ABCA1: variants seen among roughly 807,000 people sequenced by gnomAD.
ABCA1 encodes the protein ATP binding cassette subfamily A member 1.
Under a neutral mutation model 262.5 loss-of-function variants are expected in ABCA1, and 133 were observed. The ratio of observed to expected loss-of-function variants is 0.51; its 90% CI spans 0.44 to 0.59. The LOEUF (loss-of-function observed/expected upper bound fraction) is 0.59. ABCA1 is among the 20% of genes least tolerant of loss of function. ABCA1 has a pLI of 0.00. For synonymous variants in ABCA1, 1,022 were observed against 1,043.5 expected (o/e 0.98, Z 0.40); for missense variants, 2,452 against 2,777.5 (o/e 0.88, Z 2.63).
intron 6 of ABCA1, 127 bp from the exon 7 acceptor site, chr9:104,858,825 G>C (rs369158917): frequency 6.5e-6 from 6 of 925,456 alleles, no homozygotes; most frequent in Non-Finnish European, 1.0e-5. Context: ...AGGTTCCATT[G>C]CAACAGTCCA....
At chr9:104,888,978 G>T (rs2118327302) in intron 3 of ABCA1, 124 bp downstream of exon 3, 1 of 885,030 alleles carries the variant, frequency 1.1e-6, no homozygotes, top group Non-Finnish European at 1.9e-6. Context: ...TAGGTTTTCT[G>T]ATCCAAAGCA....
chr9:104,795,634 A>G (rs569354405), intron 39 of ABCA1, among the ~76,000 whole-genome samples: 127 of 152,300 alleles, frequency 8.3e-4, no homozygotes, highest in Non-Finnish European at 1.5e-3. Context: ...TCCACTAGGC[A>G]AGTGAGAATT....
intron 1 of ABCA1, among the ~76,000 whole-genome samples, chr9:104,920,378 T>C (rs541973967): frequency 6.6e-6 from 1 of 152,346 alleles, no homozygotes; most frequent in Admixed American, 6.5e-5. Context: ...GTAATATGAA[T>C]TGGTGATCTA....
rs1831215556 is a variant in ABCA1 at position 104,810,857 on chromosome 9, T to C, written c.4118A>G (p.Lys1373Arg). 6.2e-7 allele frequency: 1 copy of C among 1,614,236 alleles called. No individual in the cohort carries two copies. The highest frequency in any genetic ancestry group is 1.3e-5 in the African/African-American group (1 of 75,072). ...GGGCTGAAGTTCCAGGCTGGGGTACTTGCCAAAGGGTGGCACGATCAGGCT... is the reference window on the plus strand; with the variant it reads ...GGGCTGAAGTTCCAGGCTGGGGTACCTGCCAAAGGGTGGCACGATCAGGCT... ...VFSLIVPPFG[K>R]YPSLELQPWM... The change falls in exon 29 of 50, where the codon AAG becomes AGG. Residue 1373 changes from lysine (K) to arginine (R), a missense_variant. Around this residue, in one of 4 missense-constraint regions of ABCA1, gnomAD observed 665 missense variants for 727.3 expected, o/e 0.91. Transcript: ENST00000374736.
At chr9:104,860,834 G>A (rs1836314345) in intron 6 of ABCA1, among the ~76,000 whole-genome samples, 1 of 137,574 alleles carries the variant, frequency 7.3e-6, no homozygotes, top group Non-Finnish European at 1.5e-5. Context: ...TTGGCTCACT[G>A]CAACCTCCGC....
chr9:104,886,214 C>A (rs1164771056), intron 3 of ABCA1, among the ~76,000 whole-genome samples: 1 of 152,228 alleles, frequency 6.6e-6, no homozygotes, highest in Non-Finnish European at 1.5e-5. Flanking sequence ...CTCACAGCTA[C>A]CACCTCCCTC....
At chr9:104,907,551 T>C (rs1033872897) in intron 1 of ABCA1, among the ~76,000 whole-genome samples, 2 of 152,188 alleles carry the variant, frequency 1.3e-5, no homozygotes, top group Admixed American at 6.5e-5. Flanking sequence ...GTGGCAGCAC[T>C]CCTGGACCTG....
chr9:104,809,608 C>T (rs755057278), intron 29 of ABCA1, 44 bp from the exon 30 acceptor site: 29 of 1,503,752 alleles, frequency 1.9e-5, no homozygotes, highest in South Asian at 1.6e-4. Flanking sequence ...TTCATTAAAA[C>T]CAGTAATCGA....
chr9:104,911,851 A>C (rs1229866718), intron 1 of ABCA1, among the ~76,000 whole-genome samples: 2 of 152,206 alleles, frequency 1.3e-5, no homozygotes, highest in East Asian at 1.9e-4. Context: ...CCAAGGTAAA[A>C]GTCAAGGATG....
chr9:104,904,564 CAAAAA>C (rs35949087), intron 1 of ABCA1, among the ~76,000 whole-genome samples: 1 of 76,964 alleles, frequency 1.3e-5, no homozygotes. Flanking sequence ...GACTCTGTCT[CAAAAA>C]AAAAAAAAAA....
chr9:104,889,786 G>C (rs1276115152), intron 2 of ABCA1, among the ~76,000 whole-genome samples: 5 of 152,176 alleles, frequency 3.3e-5, no homozygotes, highest in African/African-American at 1.2e-4. Context: ...GCAGAGAAGA[G>C]GGCTCTCAAA....
At chr9:104,799,686 G>T in intron 36 of ABCA1, 133 bp downstream of exon 36, 1 of 1,566,462 alleles carries the variant, frequency 6.4e-7, no homozygotes, top group Non-Finnish European at 8.7e-7. Context: ...CCCAGAGCCT[G>T]GATCAATCCA....
chr9:104,798,416 C>T lies in ABCA1; in HGVS notation c.5121+5G>A. ...CAGAAAGATACAGCAGGCCTGTGTC[C>T]TTACCATATCCCAGACAAAATTAGA... On this transcript the variant is annotated splice_donor_5th_base_variant and intron_variant, in intron 37 of 49. Transcript: ENST00000374736. 6.2e-7 allele frequency: 1 copy of T among 1,614,126 alleles called. No individual in the cohort carries two copies. The highest frequency in any genetic ancestry group is 1.3e-5 in the African/African-American group (1 of 75,044).
rs984179551 is a variant in ABCA1 at position 104,785,695 on chromosome 9, A to G, written c.6402-56T>C. The G allele has an allele frequency of 1.4e-5, 22 of 1,607,730 alleles. No individual in the cohort carries two copies. The African/African-American group carries it at 2.7e-4, about 20-fold the overall frequency. On this transcript the variant is annotated intron_variant, in intron 48 of 49. Transcript: ENST00000374736. ...GATCTCCAGAAAACTATTTAAAAGA[A>G]TACTGAACCCTGGGAACCCAACTTG...
intron 1 of ABCA1, among the ~76,000 whole-genome samples, chr9:104,917,889 A>T (rs1157441962): frequency 6.6e-6 from 1 of 152,240 alleles, no homozygotes; most frequent in Non-Finnish European, 1.5e-5. Flanking sequence ...TATCTTATAC[A>T]TAGACTGTGA....
At chr9:104,820,802 A>G (rs1437856266) in intron 20 of ABCA1, among the ~76,000 whole-genome samples, 1 of 152,192 alleles carries the variant, frequency 6.6e-6, no homozygotes, top group Admixed American at 6.5e-5. Context: ...CAGCATGACA[A>G]TAATGGGAAG....
chr9:104,840,347 T>C lies in ABCA1; in HGVS notation c.986A>G (p.Asn329Ser). The change falls in exon 9 of 50, where the codon AAC becomes AGC. Residue 329 changes from asparagine (N) to serine (S), a missense_variant. By Grantham distance (46) the Asn-to-Ser change is conservative. Around this residue, in one of 4 missense-constraint regions of ABCA1, gnomAD observed 1,032 missense variants for 1,089.7 expected, o/e 0.95. Coordinates refer to ENST00000374736, the MANE Select transcript of ABCA1 (RefSeq NM_005502.4). ...ATTGCCTCCAAAGAGGGCTTTGTAG[T>C]TGTTGTCCTCATACCAGTTGAGAGA... is the stretch of plus-strand genomic sequence containing the variant. ...IKSLNWYEDN[N>S]YKALFGGNGT... 1 of 1,614,172 alleles carries C rather than the reference T, an allele frequency of 6.2e-7. No individual in the cohort carries two copies. The highest frequency in any genetic ancestry group is 1.3e-5 in the African/African-American group (1 of 75,028).
intron 5 of ABCA1, among the ~76,000 whole-genome samples, chr9:104,879,816 T>G (rs1393770836): frequency 6.6e-6 from 1 of 152,202 alleles, no homozygotes; most frequent in Admixed American, 6.5e-5. Flanking sequence ...TGTGCCAGAA[T>G]ACTTTCATAA....
intron 5 of ABCA1, among the ~76,000 whole-genome samples, chr9:104,881,394 C>T (rs570316113): frequency 4.6e-5 from 7 of 152,256 alleles, no homozygotes; most frequent in African/African-American, 1.7e-4. Flanking sequence ...TTATAGTTTA[C>T]ATTTCAAGTT....
Sources: allele counts gnomAD v4.1 joint callset (sites outside exome capture counted in the v4.1 genomes callset), GRCh38; gene constraint gnomAD v4.1.1; regional missense constraint gnomAD v4.1.1; transcripts MANE v1.5; gene names NCBI Gene and HGNC (gene_info 2026-07-23, HGNC 2026-07-21).